The following F8 variants were observed in gnomAD, a reference collection of about 807,000 sequenced individuals.
F8 encodes the protein antihemophilic factor.
F8 carries 12 observed loss-of-function variants against 140.6 expected under a neutral mutation model. The ratio of observed to expected loss-of-function variants is 0.09; its 90% CI spans 0.05 to 0.14. The LOEUF is 0.14. Among genes scored for constraint, F8 ranks in the 10% least tolerant of loss-of-function variants. F8 has a pLI of 1.00. For synonymous variants in F8, 585 were observed against 614.6 expected, an observed-to-expected ratio of 0.95 and a Z score of 0.71; for missense variants, 1,354 against 1,720.7, an observed-to-expected ratio of 0.79 and a Z score of 3.77.
At chrX:154,996,272 G>T (rs1445691431) in intron 3 of F8, among the ~76,000 whole-genome samples, 1 of 111,613 alleles carries the variant, frequency 9.0e-6, no homozygotes, top group Non-Finnish European at 1.9e-5. Context: ...AGCAGATAAA[G>T]GTAGATTGTC....
chrX:154,965,385 C>T (rs1488900417), intron 9 of F8, among the ~76,000 whole-genome samples: 1 of 111,228 alleles, frequency 9.0e-6, no homozygotes, highest in Admixed American at 9.6e-5. Flanking sequence ...GAAAATAAAC[C>T]CTTATTTATT....
chrX:155,007,149 G>T (rs2073680606), intron 1 of F8, among the ~76,000 whole-genome samples: 1 of 111,940 alleles, frequency 8.9e-6, no homozygotes, highest in Non-Finnish European at 1.9e-5. Flanking sequence ...CCAGAAAAAA[G>T]TTGGGACAAA....
intron 25 of F8, among the ~76,000 whole-genome samples, chrX:154,844,129 T>G (rs1294463517): frequency 2.7e-5 from 3 of 111,474 alleles, no homozygotes; most frequent in African/African-American, 6.5e-5. Flanking sequence ...CTGAGGGCTC[T>G]GTTCTGTTCC....
At position 154,992,988 on chromosome X, in the gene F8, C is replaced by T. The variant is rs1389954594; in HGVS notation, c.549G>A (p.Leu183=). 4.1e-6 allele frequency: 5 copies of T among 1,210,007 alleles called. No homozygotes were observed. In the South Asian group the frequency reaches 7.0e-5, roughly 17 times the overall value. The part of the protein sequence containing the change: ...LTYSYLSHVD[L]VKDLNSGLIG... ...TGAGGCCTGAATTCAAGTCTTTTACCAGGTCCACATGAGAAAGATATGAGT... is the reference window on the plus strand; with the variant it reads ...TGAGGCCTGAATTCAAGTCTTTTACTAGGTCCACATGAGAAAGATATGAGT... The change falls in exon 4 of 26, where the codon CTG becomes CTA. Residue 183 remains leucine, a synonymous_variant. Transcript: ENST00000360256.
Position 154,837,559 on chromosome X carries a change from A to G in F8, c.*38T>C. Reference sequence around the variant, plus strand: ...GACACTGCCCTGGAGCTGAGGAGGGAGAGGTGACGGCAGTGGCAGGTGCTG... The same window carrying G: ...GACACTGCCCTGGAGCTGAGGAGGGGGAGGTGACGGCAGTGGCAGGTGCTG... On this transcript the variant is annotated 3_prime_UTR_variant, in exon 26 of 26. Transcript: ENST00000360256. The G allele has an allele frequency of 8.5e-7, 1 of 1,183,032 alleles. No homozygotes were observed. Among genetic ancestry groups the G allele is most frequent in the East Asian group, 3.1e-5 (1 of 32,568 alleles).
At chrX:154,885,398 CT>C (rs2072878175) in intron 22 of F8, 1 of 773,605 alleles carries the variant, frequency 1.3e-6, no homozygotes, top group Non-Finnish European at 1.8e-6. Flanking sequence ...CGAGGACTAG[CT>C]TCTGACACCC....
chrX:154,896,510 C>A (rs1278974064), intron 21 of F8, among the ~76,000 whole-genome samples: 3 of 49,241 alleles, frequency 6.1e-5, no homozygotes, highest in Non-Finnish European at 7.8e-5. Context: ...ATTTCGTACA[C>A]ACACACACAC....
intron 25 of F8, among the ~76,000 whole-genome samples, chrX:154,860,108 T>A (rs2072678475): frequency 8.9e-6 from 1 of 112,027 alleles, no homozygotes; most frequent in African/African-American, 3.3e-5. Flanking sequence ...TCAGGACAAT[T>A]TGTTGAATTA....
chrX:155,018,536 C>A lies in F8; in HGVS notation c.143+3874G>T, dbSNP rs911946440. On this transcript the variant is annotated intron_variant, in intron 1 of 25. Coordinates refer to ENST00000360256, the MANE Select transcript of F8 (RefSeq NM_000132.4). ...AGCCCATTCTTTGAAAAGAGCACCA[C>A]CAGCAACAAAATAGACAAGTCATTG... is the stretch of plus-strand genomic sequence containing the variant. 6.4e-5 allele frequency among the ~76,000 whole-genome samples: 7 copies of A among 108,954 alleles called. No homozygotes were observed. In the Admixed American group the frequency reaches 6.8e-4, roughly 11 times the overall value. The allele number at this position is 108,954 out of a possible 115,157, so 94.6% of individuals were successfully genotyped here. A position where few individuals can be genotyped will look rare whatever the true frequency, so the allele number is the denominator to read the frequency against.
intron 25 of F8, among the ~76,000 whole-genome samples, chrX:154,843,414 G>A (rs1319785590): frequency 4.5e-5 from 5 of 112,027 alleles, no homozygotes; most frequent in Admixed American, 9.5e-5. Flanking sequence ...CCCACCAACA[G>A]TGTAAAAGCG....
intron 18 of F8, among the ~76,000 whole-genome samples, chrX:154,902,598 G>C (rs977632808): frequency 9.0e-5 from 10 of 111,538 alleles, no homozygotes; most frequent in African/African-American, 2.9e-4. Flanking sequence ...GAAGCTGCAG[G>C]TGAACACTGA....
At chrX:154,958,551 C>G (rs782117000) in intron 10 of F8, among the ~76,000 whole-genome samples, 35 of 111,873 alleles carry the variant, frequency 3.1e-4, no homozygotes, top group African/African-American at 1.1e-3. Context: ...GTCACTATGC[C>G]ATTCTTCCAT....
At chrX:154,917,966 T>A (rs782293870) in intron 14 of F8, among the ~76,000 whole-genome samples, 44 of 111,977 alleles carry the variant, frequency 3.9e-4, no homozygotes, top group African/African-American at 1.4e-3. Flanking sequence ...TAGCTCCCTA[T>A]TTGCTCTTGT....
In F8 at chrX:154,930,408, T is replaced by C. The variant is rs782074059; in HGVS notation, c.3382A>G (p.Ile1128Val). 2 of 1,211,460 alleles carry C rather than the reference T, an allele frequency of 1.7e-6. No individual in the cohort carries two copies. Among genetic ancestry groups the C allele is most frequent in the Non-Finnish European group, 2.2e-6 (2 of 895,244 alleles). The change falls in exon 14 of 26, where the codon ATA becomes GTA. Residue 1128 changes from isoleucine to valine, a missense_variant. Transcript: ENST00000360256. Reference sequence around the variant, plus strand: ...GAGTTCTTTCCATGAGTCCTTTGTATCCACCTTGCTGATTCTGGCAAGAAT... The same window carrying C: ...GAGTTCTTTCCATGAGTCCTTTGTACCCACCTTGCTGATTCTGGCAAGAAT... ...MLFLPESARWIQRTHGKNSLN... is the reference protein window; with the variant it reads ...MLFLPESARWVQRTHGKNSLN...
chrX:154,874,460 A>G (rs191276857), intron 22 of F8, among the ~76,000 whole-genome samples: 1 of 112,504 alleles, frequency 8.9e-6, no homozygotes, highest in African/African-American at 3.2e-5. Flanking sequence ...CCTTCTTTCT[A>G]TATCATAACA....
chrX:154,975,601 C>T lies in F8; in HGVS notation c.788-6049G>A, dbSNP rs144809175. On this transcript the variant is annotated intron_variant, in intron 6 of 25. Transcript: ENST00000360256. ...ATTTGGTCTACAGTGCAGTTCAAGT[C>T]CAGTGTTTCTTTGTTGATATTTTGT... Among the ~76,000 whole-genome samples the T allele has an allele frequency of 5.4e-3, 603 of 111,957 alleles. 7 individuals are homozygous for T. Among genetic ancestry groups the T allele is most frequent in the African/African-American group, 0.019 (574 of 30,783 alleles).
chrX:154,953,432 C>T (rs1557280892), intron 12 of F8, among the ~76,000 whole-genome samples: 1 of 111,787 alleles, frequency 8.9e-6, no homozygotes, highest in Non-Finnish European at 1.9e-5. Flanking sequence ...CAGAAGAAAC[C>T]AACGTTGCCC....
At chrX:154,978,011 T>G (rs1213435951) in intron 6 of F8, among the ~76,000 whole-genome samples, 1 of 109,845 alleles carries the variant, frequency 9.1e-6, no homozygotes, top group Non-Finnish European at 1.9e-5. Flanking sequence ...GTATTTCAGT[T>G]CTGATACTCT....
chrX:154,993,566 T>G (rs1390951998), intron 3 of F8, among the ~76,000 whole-genome samples: 1 of 112,001 alleles, frequency 8.9e-6, no homozygotes, highest in Non-Finnish European at 1.9e-5. Context: ...TTCTGCATCT[T>G]AATTTGAAAA....
Sources: gnomAD v4.1 joint callset for allele counts (sites outside exome capture counted in the v4.1 genomes callset) on GRCh38, gnomAD v4.1.1 for gene constraint, MANE v1.5 for transcripts, NCBI Gene and HGNC (gene_info 2026-07-23, HGNC 2026-07-21) for gene names.